Variants in WWOX observed in about 807,000 individuals in gnomAD.
WWOX encodes WW domain containing oxidoreductase.
In WWOX, 69 loss-of-function variants were observed where a neutral mutation model predicts 46.2. The observed-to-expected ratio is 1.49, with a 90% CI of 1.23 to 1.82. The LOEUF is 1.82. Ranked by LOEUF, WWOX falls within the 40% of genes most tolerant of loss-of-function variation. WWOX has a pLI of 0.00. For missense variants in WWOX, 919 were observed against 542.6 expected, an observed-to-expected ratio of 1.69 and a Z score of -6.89; for synonymous variants, 359 against 202.6, an observed-to-expected ratio of 1.77 and a Z score of -6.56.
chr16:78,334,633 T>C (rs1043308780), intron 5 of WWOX, among the ~76,000 whole-genome samples: 3 of 152,160 alleles, frequency 2.0e-5, no homozygotes, highest in African/African-American at 7.2e-5. Context: ...GAACTAATTA[T>C]ATGTATTATA....
At chr16:78,575,979 T>G (rs1031358595) in intron 8 of WWOX, among the ~76,000 whole-genome samples, 31 of 151,956 alleles carry the variant, frequency 2.0e-4, no homozygotes, top group African/African-American at 7.0e-4. Flanking sequence ...ACAAAATTAT[T>G]TTTTTCATTT....
At chr16:78,197,334 C>T (rs1200327781) in intron 5 of WWOX, among the ~76,000 whole-genome samples, 3 of 152,278 alleles carry the variant, frequency 2.0e-5, no homozygotes, top group Non-Finnish European at 4.4e-5. Context: ...ATGAGCACAC[C>T]TCCTGGATGA....
intron 8 of WWOX, among the ~76,000 whole-genome samples, chr16:78,833,036 T>G (rs1014534178): frequency 2.7e-5 from 1 of 36,568 alleles, no homozygotes; most frequent in Non-Finnish European, 1.1e-4. Flanking sequence ...CTCTCGATCT[T>G]TTTTTTTTTT....
At chr16:78,253,544 G>A (rs527948923) in intron 5 of WWOX, among the ~76,000 whole-genome samples, 38 of 152,302 alleles carry the variant, frequency 2.5e-4, no homozygotes, top group Non-Finnish European at 4.6e-4. Flanking sequence ...ATCTGCAGAA[G>A]TGTCACACTT....
intron 8 of WWOX, among the ~76,000 whole-genome samples, chr16:78,524,424 A>G (rs62033976): frequency 0.65 from 95,810 of 146,814 alleles, 32,345 homozygotes; most frequent in Admixed American, 0.75. Flanking sequence ...TTATTTATTT[A>G]TTTATTTGTT....
intron 8 of WWOX, among the ~76,000 whole-genome samples, chr16:78,606,703 T>C (rs1166605006): frequency 6.7e-6 from 1 of 149,014 alleles, no homozygotes; most frequent in Non-Finnish European, 1.5e-5. Flanking sequence ...GAAAGGGCAT[T>C]TCCCCAGAAT....
rs889696800 is a variant in WWOX at position 79,086,952 on chromosome 16, C to T, written c.1057-124656C>T. Among the ~76,000 whole-genome samples, 8 of 152,266 alleles carry T rather than the reference C, an allele frequency of 5.3e-5. No homozygotes were observed. In the South Asian group the frequency reaches 1.7e-3, roughly 32 times the overall value. On this transcript the variant is annotated intron_variant, in intron 8 of 8. Coordinates refer to ENST00000566780, the MANE Select transcript of WWOX (RefSeq NM_016373.4). ...AGTCACATCTCTAGTACAGACTCTG[C>T]AGAGCACTAGGAAGCCCCGTGTCTG...
intron 8 of WWOX, among the ~76,000 whole-genome samples, chr16:78,445,594 C>T (rs1266917400): frequency 6.6e-6 from 1 of 152,134 alleles, no homozygotes; most frequent in Non-Finnish European, 1.5e-5. Context: ...ATAATATGAT[C>T]ACCTTCGGTT....
At chr16:78,827,190 G>C (rs1216539432) in intron 8 of WWOX, among the ~76,000 whole-genome samples, 1 of 152,114 alleles carries the variant, frequency 6.6e-6, no homozygotes, top group Non-Finnish European at 1.5e-5. Flanking sequence ...TCAAGTGAAA[G>C]GGTAAATGCA....
chr16:79,002,933 C>G (rs1465655909), intron 8 of WWOX, among the ~76,000 whole-genome samples: 1 of 152,116 alleles, frequency 6.6e-6, no homozygotes, highest in Admixed American at 6.6e-5. Context: ...CATTAGAGCT[C>G]AAAAATCTAT....
At chr16:79,095,891 G>T (rs1266302812) in intron 8 of WWOX, among the ~76,000 whole-genome samples, 1 of 137,740 alleles carries the variant, frequency 7.3e-6, no homozygotes, top group African/African-American at 2.8e-5. Context: ...TTAAGACAGA[G>T]TCTTGCTCTG....
intron 8 of WWOX, among the ~76,000 whole-genome samples, chr16:78,755,026 C>T (rs765667456): frequency 5.2e-5 from 7 of 135,452 alleles, no homozygotes; most frequent in African/African-American, 1.9e-4. Flanking sequence ...GAGGGGGGAA[C>T]ATCACACACC....
intron 8 of WWOX, among the ~76,000 whole-genome samples, chr16:78,861,284 C>T (rs1330298268): frequency 1.3e-5 from 2 of 152,200 alleles, no homozygotes; most frequent in African/African-American, 2.4e-5. Context: ...CGTAAGTCTT[C>T]TCCCAGTCCA....
rs149358507 is a variant in WWOX, at chr16:79,182,489, G to A, written c.1057-29119G>A. Reference sequence around the variant, plus strand: ...TGTAAGAACTCTCTGAGAATGCAGTGATTCTTCACTGGGATTGGAAGGGAT... The same window carrying A: ...TGTAAGAACTCTCTGAGAATGCAGTAATTCTTCACTGGGATTGGAAGGGAT... On this transcript the variant is annotated intron_variant, in intron 8 of 8. Transcript: ENST00000566780. Among the ~76,000 whole-genome samples, 30 of 152,038 alleles carry A rather than the reference G, an allele frequency of 2.0e-4. No individual in the cohort carries two copies. The East Asian group carries it at 5.0e-3, about 25-fold the overall frequency.
chr16:78,549,642 C>A (rs982787550), intron 8 of WWOX, among the ~76,000 whole-genome samples: 1 of 152,106 alleles, frequency 6.6e-6, no homozygotes, highest in Admixed American at 6.6e-5. Flanking sequence ...AATCTGCAAG[C>A]GAGCTAATGG....
At chr16:79,207,652 G>C (rs1488604493) in intron 8 of WWOX, among the ~76,000 whole-genome samples, 1 of 152,154 alleles carries the variant, frequency 6.6e-6, no homozygotes, top group African/African-American at 2.4e-5. Flanking sequence ...TTTAAGACAG[G>C]AATCTCCTCT....
chr16:78,834,774 G>A (rs762997900), intron 8 of WWOX, among the ~76,000 whole-genome samples: 8 of 152,188 alleles, frequency 5.3e-5, no homozygotes, highest in South Asian at 4.1e-4. Context: ...TGTTGCGTAT[G>A]TCAAATCATT....
At chr16:78,329,682 A>G (rs1164585694) in intron 5 of WWOX, among the ~76,000 whole-genome samples, 1 of 152,074 alleles carries the variant, frequency 6.6e-6, no homozygotes, top group Non-Finnish European at 1.5e-5. Context: ...ATTCTTGCCA[A>G]TGTAGCCAAC....
chr16:78,932,767 C>T lies in WWOX; in HGVS notation c.1057-278841C>T, dbSNP rs117437959. Among the ~76,000 whole-genome samples, 671 of 152,240 alleles carry T rather than the reference C, an allele frequency of 4.4e-3. 2 individuals carry two copies. The highest frequency in any genetic ancestry group is 7.1e-3 in the Non-Finnish European group (482 of 68,026). On this transcript the variant is annotated intron_variant, in intron 8 of 8. Coordinates refer to ENST00000566780, the MANE Select transcript of WWOX (RefSeq NM_016373.4). ...GGGAAGTGGTAGGGAGGGACCTTCC[C>T]AGAAGAGAGATGACTCAGGCTGGTC...
Sources: gnomAD v4.1 joint callset for allele counts (sites outside exome capture counted in the v4.1 genomes callset) on GRCh38, gnomAD v4.1.1 for gene constraint, MANE v1.5 for transcripts, NCBI Gene and HGNC (gene_info 2026-07-23, HGNC 2026-07-21) for gene names.